CTBP2: variants seen among roughly 807,000 people sequenced by gnomAD.
The protein encoded by CTBP2 is C-terminal-binding protein 2.
Under a neutral mutation model 80.3 loss-of-function variants are expected in CTBP2, and 30 were observed. The observed-to-expected ratio is 0.37, with a 90% CI of 0.28 to 0.51. The LOEUF is 0.51. CTBP2 is among the 20% of genes least tolerant of loss of function. CTBP2 has a pLI of 0.93. For missense variants in CTBP2, 1,212 were observed against 1,375.3 expected (o/e 0.88, Z 1.88); for synonymous variants, 594 against 587.4 (o/e 1.01, Z -0.16).
chr10:125,157,351 C>T (rs1420857812), intron 1 of CTBP2, among the ~76,000 whole-genome samples: 1 of 133,522 alleles, frequency 7.5e-6, no homozygotes, highest in African/African-American at 2.9e-5. Context: ...CCTGCAGACT[C>T]TTATTAAGGT....
chr10:125,059,382 A>C (rs989998810), intron 2 of CTBP2, among the ~76,000 whole-genome samples: 1 of 152,046 alleles, frequency 6.6e-6, no homozygotes, highest in Non-Finnish European at 1.5e-5. Flanking sequence ...GGAGTTCAAC[A>C]CCAACCTGGC....
chr10:125,125,184 C>G (rs1357484437), intron 1 of CTBP2, among the ~76,000 whole-genome samples: 1 of 152,210 alleles, frequency 6.6e-6, no homozygotes, highest in African/African-American at 2.4e-5. Context: ...GTTGGCGGAG[C>G]ATCAACAGCC....
At chr10:125,133,983 C>T (rs565762931) in intron 1 of CTBP2, among the ~76,000 whole-genome samples, 26 of 152,216 alleles carry the variant, frequency 1.7e-4, no homozygotes, top group South Asian at 1.0e-3. Flanking sequence ...CAAAAAGAAA[C>T]GCACATAAAG....
intron 2 of CTBP2, among the ~76,000 whole-genome samples, chr10:125,048,685 T>C (rs182343632): frequency 6.6e-6 from 1 of 152,238 alleles, no homozygotes; most frequent in East Asian, 1.9e-4. Context: ...TTCCATTACG[T>C]CTGCTGACAG....
intron 1 of CTBP2, among the ~76,000 whole-genome samples, chr10:125,121,708 G>A (rs1314305682): frequency 6.6e-6 from 1 of 152,174 alleles, no homozygotes; most frequent in Non-Finnish European, 1.5e-5. Flanking sequence ...TAATCACAGT[G>A]CCAAACGAAT....
intron 2 of CTBP2, among the ~76,000 whole-genome samples, chr10:125,104,991 G>A (rs570152344): frequency 4.0e-5 from 6 of 151,734 alleles, no homozygotes; most frequent in Non-Finnish European, 8.8e-5. Flanking sequence ...TTCCTAAATC[G>A]TTACTTTTAT....
intron 1 of CTBP2, among the ~76,000 whole-genome samples, chr10:125,116,030 C>A (rs1853208820): frequency 6.6e-6 from 1 of 152,158 alleles, no homozygotes; most frequent in Non-Finnish European, 1.5e-5. Flanking sequence ...ATCCTTTCAA[C>A]AGGGATTTCC....
chr10:125,070,981 C>T (rs1845394401), intron 2 of CTBP2, among the ~76,000 whole-genome samples: 2 of 152,230 alleles, frequency 1.3e-5, no homozygotes, highest in African/African-American at 4.8e-5. Flanking sequence ...AAGAAAATCA[C>T]CCACTTCCCT....
At position 124,984,697 on chromosome 10, in the gene CTBP2, A is replaced by G; in HGVS notation, c.*4821T>C. The G allele has an allele frequency of 6.9e-7, 1 of 1,439,426 alleles. No homozygotes were observed. Among genetic ancestry groups the G allele is most frequent in the Admixed American group, 1.9e-5 (1 of 51,680 alleles). The allele number at this position is 1,439,426 out of a possible 1,614,324, so 89.2% of individuals were successfully genotyped here. ...TTTCATGAGTTAGCATACCAGCTGTAGGTTTCCATGTCACATTCCTACCAA... is the reference window on the plus strand; with the variant it reads ...TTTCATGAGTTAGCATACCAGCTGTGGGTTTCCATGTCACATTCCTACCAA... On this transcript the variant is annotated 3_prime_UTR_variant, in exon 9 of 9. Transcript: ENST00000309035.
intron 1 of CTBP2, among the ~76,000 whole-genome samples, chr10:125,011,210 C>T (rs1305828656): frequency 1.3e-5 from 2 of 152,224 alleles, no homozygotes; most frequent in Admixed American, 6.5e-5. Flanking sequence ...AGCTACTCCT[C>T]GGCTTCTGAG....
chr10:125,065,670 G>A (rs1250600730), intron 2 of CTBP2, among the ~76,000 whole-genome samples: 1 of 152,228 alleles, frequency 6.6e-6, no homozygotes, highest in Non-Finnish European at 1.5e-5. Flanking sequence ...GGAGCACACT[G>A]CCAGCTCTTG....
In CTBP2 at chr10:125,039,124, AG is replaced by A. The variant is rs1959171459; in HGVS notation, c.-71del. 7.1e-6 allele frequency: 10 copies of A among 1,403,566 alleles called. No homozygotes were observed. In the East Asian group the frequency reaches 2.3e-4, roughly 32 times the overall value. 86.9% of individuals were successfully genotyped at this position (1,403,566 alleles called of 1,614,324 possible). A position where few individuals can be genotyped will look rare whatever the true frequency, so the allele number is the denominator to read the frequency against. ...CCTCTAAGAACTTAGGGGAACTTGC[AG>A]GAGTCTGCGTGCATGACGCCACTAT... On this transcript the variant is annotated 5_prime_UTR_variant, in exon 3 of 11. It removes the in-frame stop codon of an upstream open reading frame in the 5' UTR. Transcript: ENST00000337195.
At chr10:125,048,296 A>G (rs1158445133) in intron 2 of CTBP2, among the ~76,000 whole-genome samples, 4 of 152,116 alleles carry the variant, frequency 2.6e-5, no homozygotes, top group African/African-American at 9.7e-5. Context: ...GGCTGCAGAG[A>G]CAGCCATGAG....
rs1216568457 is a variant in CTBP2 at position 125,027,978 on chromosome 10, C to A, written c.-219G>T. On this transcript the variant is annotated 5_prime_UTR_variant, in exon 1 of 9. Transcript: ENST00000309035. ...CTCACGGTAACTTTGCCTCACTCCCCAACGATAGCCAGAGAGGTCTGTTCC... is the reference window on the plus strand; with the variant it reads ...CTCACGGTAACTTTGCCTCACTCCCAAACGATAGCCAGAGAGGTCTGTTCC... 7.6e-7 allele frequency: 1 copy of A among 1,317,860 alleles called. No homozygotes were observed. Among genetic ancestry groups the A allele is most frequent in the Non-Finnish European group, 9.9e-7 (1 of 1,014,750 alleles). The allele number at this position is 1,317,860 out of a possible 1,614,324, so 81.6% of individuals were successfully genotyped here. A position where few individuals can be genotyped will look rare whatever the true frequency, so the allele number is the denominator to read the frequency against.
At chr10:125,006,108 T>C (rs1955208598) in intron 1 of CTBP2, 2 of 931,388 alleles carry the variant, frequency 2.1e-6, no homozygotes, top group African/African-American at 1.7e-5. Flanking sequence ...CCGACACGGG[T>C]TGCCTTTCTC....
chr10:125,131,054 G>T (rs557981277), intron 1 of CTBP2, among the ~76,000 whole-genome samples: 1 of 152,190 alleles, frequency 6.6e-6, no homozygotes, highest in Non-Finnish European at 1.5e-5. Context: ...AGAGGGAGAC[G>T]CAAGTCTGAC....
intron 1 of CTBP2, among the ~76,000 whole-genome samples, chr10:125,120,070 C>G (rs998004212): frequency 1.3e-5 from 2 of 152,244 alleles, no homozygotes; most frequent in Admixed American, 1.3e-4. Context: ...TGTCTCAATT[C>G]CAATAGCCAA....
At chr10:125,147,425 A>T (rs1858979981) in intron 1 of CTBP2, among the ~76,000 whole-genome samples, 1 of 152,166 alleles carries the variant, frequency 6.6e-6, no homozygotes, top group South Asian at 2.1e-4. Context: ...CGTTTCTTGG[A>T]GTGACCTAAT....
chr10:125,148,947 C>A (rs1207828553), intron 1 of CTBP2, among the ~76,000 whole-genome samples: 1 of 152,140 alleles, frequency 6.6e-6, no homozygotes, highest in African/African-American at 2.4e-5. Flanking sequence ...CGTGGAGGAG[C>A]GAGGAGAATG....
Sources: gnomAD v4.1 joint callset for allele counts (sites outside exome capture counted in the v4.1 genomes callset) on GRCh38, gnomAD v4.1.1 for gene constraint, MANE v1.5 for transcripts, NCBI Gene and HGNC (gene_info 2026-07-23, HGNC 2026-07-21) for gene names.